KIF18B: variants seen among roughly 807,000 people sequenced by gnomAD.
The protein encoded by KIF18B is kinesin family member 18B.
A neutral mutation model predicts 80.9 loss-of-function variants in KIF18B; 49 were observed. The ratio of observed to expected loss-of-function variants is 0.61; its 90% CI spans 0.48 to 0.77. KIF18B has a LOEUF of 0.77. Among genes scored for constraint, KIF18B ranks in the 30% least tolerant of loss-of-function variants. The pLI is 0.00. For missense variants in KIF18B, 994 were observed against 1,127.7 expected (o/e 0.88, Z 1.70); for synonymous variants, 439 against 463.9 (o/e 0.95, Z 0.69).
intron 11 of KIF18B, among the ~76,000 whole-genome samples, chr17:44,929,506 T>G (rs1322855709): frequency 1.3e-5 from 2 of 152,170 alleles, no homozygotes; most frequent in African/African-American, 2.4e-5. Context: ...CTGTGTGATC[T>G]TGGATGCACT....
intron 12 of KIF18B, 81 bp downstream of exon 12, chr17:44,928,738 C>T: frequency 2.7e-6 from 4 of 1,464,910 alleles, no homozygotes; most frequent in Non-Finnish European, 3.7e-6. Context: ...GCAACTGAGG[C>T]CCCTGGACAC....
intron 1 of KIF18B, among the ~76,000 whole-genome samples, chr17:44,938,754 T>C (rs1597892703): frequency 6.6e-6 from 1 of 152,168 alleles, no homozygotes; most frequent in Non-Finnish European, 1.5e-5. Flanking sequence ...CATAGAAACA[T>C]GAATTTGTGG....
intron 1 of KIF18B, among the ~76,000 whole-genome samples, chr17:44,943,032 A>G (rs1430729567): frequency 6.6e-6 from 1 of 152,174 alleles, no homozygotes; most frequent in East Asian, 1.9e-4. Flanking sequence ...GGTACCCACA[A>G]AAGAACAGCA....
intron 11 of KIF18B, among the ~76,000 whole-genome samples, chr17:44,931,142 T>A (rs1394364612): frequency 6.6e-6 from 1 of 152,210 alleles, no homozygotes; most frequent in African/African-American, 2.4e-5. Flanking sequence ...CTTTGATTAG[T>A]GGTTTGTATT....
At chr17:44,932,799 G>C in intron 8 of KIF18B, 26 bp from the exon 9 acceptor site, 1 of 1,600,206 alleles carries the variant, frequency 6.2e-7, no homozygotes, top group Non-Finnish European at 8.5e-7. Flanking sequence ...CCCAGCCCCT[G>C]AGAGCCCCAG....
rs1202225034 is a variant in KIF18B, at chr17:44,924,977, A to AAG, written c.*1101_*1102dup. ...TTCACCAGGACTGTGGTTGGGGACC[A>AAG]AGGGGAGTAGGGATGAAGATGTCCC... On this transcript the variant is annotated 3_prime_UTR_variant, in exon 16 of 16. Transcript: ENST00000593135. The AAG allele has an allele frequency of 6.6e-6, 1 of 152,164 alleles. No individual in the cohort carries two copies. Among genetic ancestry groups the AAG allele is most frequent in the African/African-American group, 2.4e-5 (1 of 41,402 alleles). 9.4% of individuals were successfully genotyped at this position (152,164 alleles called of 1,614,324 possible). A position where few individuals can be genotyped will look rare whatever the true frequency, so the allele number is the denominator to read the frequency against.
chr17:44,926,588 C>T, intron 14 of KIF18B, 89 bp from the exon 15 acceptor site: 1 of 1,290,300 alleles, frequency 7.8e-7, no homozygotes, highest in East Asian at 2.6e-5. Context: ...AAGTACTTGA[C>T]ACTAAGCCCT....
At chr17:44,933,117 C>G in intron 7 of KIF18B, 131 bp from the exon 8 acceptor site, 1 of 740,546 alleles carries the variant, frequency 1.4e-6, no homozygotes, top group Non-Finnish European at 2.2e-6. Context: ...TGGGGAGACA[C>G]AGCAGAGAAG....
chr17:44,936,588 CTCTCTCTCTCTATATA>C (rs1219769965), intron 1 of KIF18B, among the ~76,000 whole-genome samples: 55 of 58,624 alleles, frequency 9.4e-4, no homozygotes, highest in African/African-American at 3.6e-3. Context: ...CTCTCTCTCT[CTCTCTCTCTCTATATA>C]TATATATATA....
chr17:44,947,111 T>A, intron 1 of KIF18B, among the ~76,000 whole-genome samples: 1 of 31,660 alleles, frequency 3.2e-5, no homozygotes, highest in East Asian at 9.2e-4. Flanking sequence ...AGACTCCATC[T>A]CCAAAAAAAA....
In KIF18B at chr17:44,931,962, T is replaced by G. The variant is rs116607044; in HGVS notation, c.1389+94A>C. 2.5e-3 allele frequency: 3,420 copies of G among 1,385,844 alleles called. 54 individuals are homozygous for G. The African/African-American group carries it at 0.039, about 16-fold the overall frequency. 85.8% of individuals were successfully genotyped at this position (1,385,844 alleles called of 1,614,324 possible). On this transcript the variant is annotated intron_variant, in intron 10 of 15. Coordinates refer to ENST00000593135, the MANE Select transcript of KIF18B (RefSeq NM_001265577.2). ...CAAGACATCCACATAGAGACGGGACTAAAGGGACTCTGAGTCAGGGAGAGG... is the reference window on the plus strand; with the variant it reads ...CAAGACATCCACATAGAGACGGGACGAAAGGGACTCTGAGTCAGGGAGAGG...
intron 1 of KIF18B, among the ~76,000 whole-genome samples, chr17:44,947,113 C>CAAAAAAAAAAAAAAAAAAAAAAAA (rs57955845): frequency 9.3e-5 from 5 of 54,008 alleles, no homozygotes; most frequent in African/African-American, 3.2e-4. Flanking sequence ...ACTCCATCTC[C>CAAAAAAAAAAAAAAAAAAAAAAAA]AAAAAAAAAA....
chr17:44,935,465 C>G, intron 2 of KIF18B, 49 bp from the exon 3 acceptor site: 1 of 1,528,812 alleles, frequency 6.5e-7, no homozygotes, highest in South Asian at 1.3e-5. Flanking sequence ...TGCCACCCAG[C>G]TCAGCCCTTC....
At chr17:44,945,974 C>G (rs1466827864) in intron 1 of KIF18B, among the ~76,000 whole-genome samples, 2 of 146,972 alleles carry the variant, frequency 1.4e-5, no homozygotes, top group Non-Finnish European at 3.0e-5. Context: ...AATTCTAGGG[C>G]TTTGGGAAGC....
intron 1 of KIF18B, among the ~76,000 whole-genome samples, chr17:44,945,203 A>G (rs1008255515): frequency 2.0e-5 from 3 of 152,196 alleles, no homozygotes; most frequent in African/African-American, 7.2e-5. Flanking sequence ...TGGGAATCAC[A>G]GGCACACGCC....
At chr17:44,943,097 T>C (rs2052448337) in intron 1 of KIF18B, among the ~76,000 whole-genome samples, 1 of 152,018 alleles carries the variant, frequency 6.6e-6, no homozygotes, top group Admixed American at 6.6e-5. Flanking sequence ...GAAGAAATTG[T>C]GTTTTTTTTG....
Position 44,927,133 on chromosome 17 carries a change from C to T in KIF18B, c.2277-55G>A, listed in dbSNP as rs991246657. The T allele has an allele frequency of 1.1e-4, 149 of 1,348,666 alleles. No individual in the cohort carries two copies. The highest frequency in any genetic ancestry group is 1.5e-4 in the Non-Finnish European group (144 of 972,822). 83.5% of individuals were successfully genotyped at this position (1,348,666 alleles called of 1,614,324 possible). A position where few individuals can be genotyped will look rare whatever the true frequency, so the allele number is the denominator to read the frequency against. ...ATCAGCAGGGAACCGGAAGCAAGGC[C>T]AGCCACTTCCTCCCTCCAGCCCCCA... On this transcript the variant is annotated intron_variant, in intron 13 of 15. Coordinates refer to ENST00000593135, the MANE Select transcript of KIF18B (RefSeq NM_001265577.2). The surrounding 1 kb of genome is among the most constrained non-coding windows in gnomAD (Gnocchi z 4.1).
chr17:44,926,375 T>C (rs1430009132), intron 15 of KIF18B, 39 bp downstream of exon 15: 2 of 1,555,536 alleles, frequency 1.3e-6, no homozygotes, highest in Non-Finnish European at 1.7e-6. Context: ...TTCATCGGCC[T>C]CCATGGCCCA....
At chr17:44,945,124 A>ATCATGGG (rs1442171437) in intron 1 of KIF18B, among the ~76,000 whole-genome samples, 1 of 152,202 alleles carries the variant, frequency 6.6e-6, no homozygotes, top group African/African-American at 2.4e-5. Flanking sequence ...CAGTGGCGCG[A>ATCATGGG]TCATGGGTCA....
Sources: gnomAD v4.1 joint callset for allele counts (sites outside exome capture counted in the v4.1 genomes callset) on GRCh38, gnomAD v4.1.1 for gene constraint, Gnocchi (gnomAD v3.1) non-coding constraint, MANE v1.5 for transcripts, NCBI Gene and HGNC (gene_info 2026-07-23, HGNC 2026-07-21) for gene names.